METTL15: variants seen among roughly 807,000 people sequenced by gnomAD.
METTL15 encodes methyltransferase 15, mitochondrial 12S rRNA N4-cytidine, also known as 12S rRNA N(4)-cytidine methyltransferase METTL15.
METTL15 carries 34 observed loss-of-function variants against 38.3 expected under a neutral mutation model. The observed-to-expected ratio is 0.89, with a 90% CI of 0.68 to 1.18. The LOEUF is 1.18. Among genes scored for constraint, METTL15 ranks in the 50% most tolerant of loss-of-function variants. The pLI, the probability that METTL15 is intolerant of heterozygous loss-of-function variation, is 0.00. For missense variants in METTL15, 438 were observed against 498.4 expected, an observed-to-expected ratio of 0.88 and a Z score of 1.15; for synonymous variants, 162 against 170.9, an observed-to-expected ratio of 0.95 and a Z score of 0.41.
Position 28,211,070 on chromosome 11 carries a change from A to G in METTL15, c.279A>G (p.Leu93=). Reference sequence around the variant, plus strand: ...TTTTCTGTGTTTGCTAGATTTTTCTAGATATGACATTTGGTTCGGGAGGGC... The same window carrying G: ...TTTTCTGTGTTTGCTAGATTTTTCTGGATATGACATTTGGTTCGGGAGGGC... ...CLSPQKGQIF[L]DMTFGSGGHT... is the part of the protein sequence containing the mutation. Residue 93 remains leucine, a synonymous_variant, in exon 4 of 7, where the codon CTA becomes CTG. Transcript: ENST00000407364. 1 of 1,606,666 alleles carries G rather than the reference A, an allele frequency of 6.2e-7. No individual in the cohort carries two copies. Among genetic ancestry groups the G allele is most frequent in the East Asian group, 2.2e-5 (1 of 44,778 alleles).
chr11:28,323,650 A>G (rs944403472), intron 6 of METTL15, among the ~76,000 whole-genome samples: 4 of 152,272 alleles, frequency 2.6e-5, no homozygotes, highest in African/African-American at 9.6e-5. Flanking sequence ...ATTTAAAAGG[A>G]TCAGTCTGGT....
At chr11:28,292,718 C>A (rs1296049375) in intron 5 of METTL15, among the ~76,000 whole-genome samples, 1 of 152,142 alleles carries the variant, frequency 6.6e-6, no homozygotes, top group Non-Finnish European at 1.5e-5. Context: ...TCTCCAGCGC[C>A]TGTTGTTTCC....
chr11:28,379,104 A>G (rs1255015262), intron 5 of METTL15, among the ~76,000 whole-genome samples: 1 of 148,562 alleles, frequency 6.7e-6, no homozygotes, highest in Non-Finnish European at 1.5e-5. Context: ...TTTTTGGTGT[A>G]CTCTTTTTTT....
At chr11:28,218,675 G>A (rs1339315273) in intron 4 of METTL15, among the ~76,000 whole-genome samples, 1 of 152,140 alleles carries the variant, frequency 6.6e-6, no homozygotes, top group African/African-American at 2.4e-5. Context: ...TGCACATTCA[G>A]TATGATATTG....
At chr11:28,417,794 A>G (rs2133418347) in intron 5 of METTL15, among the ~76,000 whole-genome samples, 1 of 152,346 alleles carries the variant, frequency 6.6e-6, no homozygotes, top group Middle Eastern at 3.4e-3. Context: ...TGACCAATGT[A>G]CAGTCAAATG....
At chr11:28,519,358 A>C (rs1818331007) in intron 6 of METTL15, 1 of 152,358 alleles carries the variant, frequency 6.6e-6, no homozygotes, top group South Asian at 2.1e-4. Context: ...GATCGAGACC[A>C]TCCTGGCTAA....
Position 28,374,031 on chromosome 11 carries a change from G to T in METTL15, c.*358+11995G>T, listed in dbSNP as rs545771920. ...TTCTGTTCCATTGATCTGTATCTCTGTTTTGGTACCAGTGCCATGCTGTTT... is the reference window on the plus strand; with the variant it reads ...TTCTGTTCCATTGATCTGTATCTCTTTTTTGGTACCAGTGCCATGCTGTTT... On this transcript the variant is annotated intron_variant and NMD_transcript_variant, in intron 5 of 7. Coordinates refer to the METTL15 transcript ENST00000532947. Among the ~76,000 whole-genome samples, 466 of 152,222 alleles carry T rather than the reference G, an allele frequency of 3.1e-3. 8 individuals carry two copies. The South Asian group carries it at 0.039, about 13-fold the overall frequency.
At chr11:28,125,519 T>G (rs1852439908) in intron 3 of METTL15, 1 of 152,072 alleles carries the variant, frequency 6.6e-6, no homozygotes, top group Non-Finnish European at 1.5e-5. Context: ...GTGTATTCTA[T>G]TCTGAATTTT....
At chr11:28,389,923 T>C (rs1400813228) in intron 5 of METTL15, among the ~76,000 whole-genome samples, 1 of 152,078 alleles carries the variant, frequency 6.6e-6, no homozygotes, top group African/African-American at 2.4e-5. Flanking sequence ...TGATTGCCAT[T>C]CTAACTGGTA....
At chr11:28,209,425 A>T (rs1852526364) in intron 3 of METTL15, among the ~76,000 whole-genome samples, 1 of 152,016 alleles carries the variant, frequency 6.6e-6, no homozygotes, top group Admixed American at 6.6e-5. Context: ...GTGACTGGCA[A>T]AGGAAATTAT....
At chr11:28,175,472 A>G (rs1274154631) in intron 3 of METTL15, among the ~76,000 whole-genome samples, 1 of 152,092 alleles carries the variant, frequency 6.6e-6, no homozygotes, top group Non-Finnish European at 1.5e-5. Flanking sequence ...CAGTAATGGG[A>G]TTGCTGGGTC....
intron 6 of METTL15, among the ~76,000 whole-genome samples, chr11:28,476,351 T>C (rs754321313): frequency 2.6e-5 from 4 of 152,060 alleles, no homozygotes; most frequent in Non-Finnish European, 5.9e-5. Context: ...TTTTTCTGAG[T>C]GTTGAGTTGT....
At chr11:28,335,435 T>C (rs1849892862), downstream of METTL15, among the ~76,000 whole-genome samples, 1 of 152,214 alleles carries the variant, frequency 6.6e-6, no homozygotes, top group African/African-American at 2.4e-5. Flanking sequence ...ATTGGTACTT[T>C]CTCATGTTGC....
intron 6 of METTL15, among the ~76,000 whole-genome samples, chr11:28,508,025 A>T (rs899638660): frequency 6.6e-6 from 1 of 152,192 alleles, no homozygotes; most frequent in African/African-American, 2.4e-5. Context: ...CCCTAAAGTG[A>T]CACGTACTCT....
intron 3 of METTL15, chr11:28,123,728 A>G (rs1031072052): frequency 4.1e-5 from 20 of 492,054 alleles, no homozygotes; most frequent in African/African-American, 3.4e-4. Context: ...ATCAAATTAC[A>G]TGCTAATTTA....
chr11:28,436,468 C>T (rs1435879920), intron 6 of METTL15, among the ~76,000 whole-genome samples: 12 of 152,182 alleles, frequency 7.9e-5, no homozygotes, highest in Admixed American at 5.9e-4. Context: ...TCCATGCATC[C>T]GTGGTCAGCT....
At chr11:28,287,936 G>A (rs768412635) in intron 4 of METTL15, among the ~76,000 whole-genome samples, 10 of 137,590 alleles carry the variant, frequency 7.3e-5, no homozygotes, top group South Asian at 4.3e-4. Flanking sequence ...GTCTCTTCCT[G>A]AGTGCAACCC....
At chr11:28,509,508 C>G (rs1851657313) in intron 6 of METTL15, among the ~76,000 whole-genome samples, 1 of 150,916 alleles carries the variant, frequency 6.6e-6, no homozygotes, top group African/African-American at 2.4e-5. Flanking sequence ...AAAAGCAAGA[C>G]TTATCTTTTG....
At chr11:28,223,686 A>C (rs1853349187) in intron 4 of METTL15, among the ~76,000 whole-genome samples, 1 of 152,182 alleles carries the variant, frequency 6.6e-6, no homozygotes. Flanking sequence ...ACATTTTTAC[A>C]GAAAACTGAG....
Sources: allele counts gnomAD v4.1 joint callset (sites outside exome capture counted in the v4.1 genomes callset), GRCh38; gene constraint gnomAD v4.1.1; transcripts MANE v1.5; gene names NCBI Gene and HGNC (gene_info 2026-07-23, HGNC 2026-07-21).